RIPOR1: variants seen among roughly 807,000 people sequenced by gnomAD.
RIPOR1 encodes RHO family interacting cell polarization regulator 1.
In RIPOR1, 58 loss-of-function variants were observed where a neutral mutation model predicts 116.5. That is an observed-to-expected ratio of 0.50 (90% CI 0.40 to 0.62). The LOEUF is 0.62. Among genes scored for constraint, RIPOR1 ranks in the 20% least tolerant of loss-of-function variants. The pLI, the probability that RIPOR1 is intolerant of heterozygous loss-of-function variation, is 0.00. For synonymous variants in RIPOR1, 605 were observed against 650.0 expected, an observed-to-expected ratio of 0.93 and a Z score of 1.05; for missense variants, 1,372 against 1,586.2, an observed-to-expected ratio of 0.86 and a Z score of 2.29.
intron 1 of RIPOR1, among the ~76,000 whole-genome samples, chr16:67,520,292 G>T (rs1003431132): frequency 2.7e-5 from 4 of 149,528 alleles, no homozygotes; most frequent in African/African-American, 9.9e-5. Context: ...GAGGTGGGAG[G>T]ATCACTTGAG....
chr16:67,543,760 C>G lies in RIPOR1; in HGVS notation c.2600+291C>G. On this transcript the variant is annotated intron_variant, in intron 14 of 21. Transcript: ENST00000042381. The surrounding 1 kb of genome is among the most constrained non-coding windows in gnomAD (Gnocchi z 4.7). ...TGCCGGTCCCCATCAGCTTGGGTGC[C>G]TCCAGCCCCTCCTCTTCCCCTTGGC... is the stretch of plus-strand genomic sequence containing the variant. 2.0e-6 allele frequency: 1 copy of G among 492,032 alleles called. No individual in the cohort carries two copies. Among genetic ancestry groups the G allele is most frequent in the East Asian group, 3.9e-5 (1 of 25,772 alleles). 30.5% of individuals were successfully genotyped at this position (492,032 alleles called of 1,614,324 possible). A position where few individuals can be genotyped will look rare whatever the true frequency, so the allele number is the denominator to read the frequency against.
At chr16:67,538,155 G>T (rs1567567654) in intron 1 of RIPOR1, 1 of 367,074 alleles carries the variant, frequency 2.7e-6, no homozygotes, top group Non-Finnish European at 4.9e-6. Context: ...GTCCCCGCGC[G>T]ACCCCCCTTC....
chr16:67,543,169 G>A lies in RIPOR1; in HGVS notation c.2383G>A (p.Gly795Arg). The change falls in exon 13 of 22, where the codon GGG becomes AGG. Residue 795 changes from glycine (G) to arginine (R), a missense_variant. Physicochemically the swap from Gly to Arg is moderately radical, Grantham distance 125 (BLOSUM62 -2). Around this residue, in one of 3 missense-constraint regions of RIPOR1, gnomAD observed 1,005 missense variants for 1,144.7 expected, o/e 0.88. Transcript: ENST00000042381. This position sits in a 1 kb window ranked among gnomAD's most constrained non-coding sequence, Gnocchi z 4.7. ...SGDRSLEEALGALMAALDDYR... is the reference protein window; with the variant it reads ...SGDRSLEEALRALMAALDDYR... ...GGACAGGAGCCTGGAGGAGGCACTG[G>A]GGGCCCTAATGGCTGCCCTGGATGA... 1 of 1,539,122 alleles carries A rather than the reference G, an allele frequency of 6.5e-7. No homozygotes were observed. Among genetic ancestry groups the A allele is most frequent in the Non-Finnish European group, 8.7e-7 (1 of 1,143,308 alleles).
Position 67,541,406 on chromosome 16 carries a change from C to T in RIPOR1, c.802-24C>T, listed in dbSNP as rs775214187. The T allele has an allele frequency of 6.2e-7, 1 of 1,608,036 alleles. No homozygotes were observed. Among genetic ancestry groups the T allele is most frequent in the East Asian group, 2.2e-5 (1 of 44,780 alleles). ...CTCATAGCCCCTGCACCCTTGTGAC[C>T]CTACCATGCACTCTTGGCTACAGGT... On this transcript the variant is annotated intron_variant, in intron 10 of 21. Transcript: ENST00000042381. The surrounding 1 kb of genome is among the most constrained non-coding windows in gnomAD (Gnocchi z 4.6).
At chr16:67,523,713 C>T (rs1319170747) in intron 1 of RIPOR1, among the ~76,000 whole-genome samples, 1 of 150,714 alleles carries the variant, frequency 6.6e-6, no homozygotes, top group Non-Finnish European at 1.5e-5. Context: ...CAGGGTCTCG[C>T]TCTGTTGCCC....
chr16:67,524,106 T>C (rs2050520834), upstream of RIPOR1, among the ~76,000 whole-genome samples: 1 of 152,210 alleles, frequency 6.6e-6, no homozygotes, highest in Non-Finnish European at 1.5e-5. Flanking sequence ...TTGCATTGTG[T>C]TGATTATTAA....
In RIPOR1 at chr16:67,546,431, G is replaced by T. The variant is rs1446813451; in HGVS notation, c.3628G>T (p.Gly1210Trp). ...CCTGGACGCCCTGCCCCGCATCTTT[G>T]GGCCTGGCAGCATGGCCAGCACAGC... The part of the protein sequence containing the change: ...ESLDALPRIF[G>W]PGSMASTAF The change falls in exon 22 of 22, where the codon GGG becomes TGG. Residue 1210 changes from glycine (G) to tryptophan (W), a missense_variant. Gly to Trp is a radical substitution (Grantham distance 184). Coordinates refer to ENST00000042381, the MANE Select transcript of RIPOR1 (RefSeq NM_024519.4). 1.9e-6 allele frequency: 3 copies of T among 1,613,952 alleles called. No homozygotes were observed. The highest frequency in any genetic ancestry group is 1.3e-5 in the African/African-American group (1 of 74,916).
At chr16:67,522,025 TTTG>T (rs34745420) in intron 1 of RIPOR1, among the ~76,000 whole-genome samples, 14,404 of 151,636 alleles carry the variant, frequency 0.095, 1,183 homozygotes, top group African/African-American at 0.23. Flanking sequence ...CACCATGTTT[TTTG>T]TTGTTGTTGT....
chr16:67,519,419 G>A (rs1597608131), intron 1 of RIPOR1, among the ~76,000 whole-genome samples: 1 of 152,160 alleles, frequency 6.6e-6, no homozygotes, highest in Non-Finnish European at 1.5e-5. Flanking sequence ...CAGGGGTGAG[G>A]GGCCAGTGGG....
At chr16:67,520,377 CA>C (rs1178600699) in intron 1 of RIPOR1, among the ~76,000 whole-genome samples, 290 of 68,648 alleles carry the variant, frequency 4.2e-3, no homozygotes, top group Admixed American at 6.6e-3. Flanking sequence ...GACCCCATCT[CA>C]AAAAAAAAAA....
Position 67,545,201 on chromosome 16 carries a change from T to A in RIPOR1, c.3031+84T>A, listed in dbSNP as rs2142619871. 1 of 1,567,834 alleles carries A rather than the reference T, an allele frequency of 6.4e-7. No individual in the cohort carries two copies. Among genetic ancestry groups the A allele is most frequent in the East Asian group, 2.3e-5 (1 of 44,366 alleles). On this transcript the variant is annotated intron_variant, in intron 17 of 21. Coordinates refer to ENST00000042381, the MANE Select transcript of RIPOR1 (RefSeq NM_024519.4). This position sits in a 1 kb window ranked among gnomAD's most constrained non-coding sequence, Gnocchi z 4.8. The stretch of plus-strand genomic sequence containing the variant: ...GGGAAGCCAGGTCAGCCCACACAGA[T>A]AAACGAACTGGGCACCGAGGAGACC...
At position 67,541,225 on chromosome 16, in the gene RIPOR1, G is replaced by A. The variant is rs551689963; in HGVS notation, c.802-205G>A. 80 of 587,742 alleles carry A rather than the reference G, an allele frequency of 1.4e-4. 2 individuals are homozygous for A. The South Asian group carries it at 1.6e-3, about 12-fold the overall frequency. The allele number at this position is 587,742 out of a possible 1,614,324, so 36.4% of individuals were successfully genotyped here. A position where few individuals can be genotyped will look rare whatever the true frequency, so the allele number is the denominator to read the frequency against. ...GGACTACAGGTGCACCACCATGCCT[G>A]GCTAAAAATTTTTTTTTTTTTTTTT... On this transcript the variant is annotated intron_variant, in intron 10 of 21. Coordinates refer to ENST00000042381, the MANE Select transcript of RIPOR1 (RefSeq NM_024519.4). The surrounding 1 kb of genome is among the most constrained non-coding windows in gnomAD (Gnocchi z 4.6).
intron 1 of RIPOR1, among the ~76,000 whole-genome samples, chr16:67,521,146 A>C (rs1016245625): frequency 5.3e-5 from 8 of 152,054 alleles, no homozygotes; most frequent in Admixed American, 2.0e-4. Context: ...TGTGCACTGC[A>C]CTCTACAGTG....
At position 67,530,898 on chromosome 16, in the gene RIPOR1, C is replaced by A. The variant is rs2050644691; in HGVS notation, c.-24+1984C>A. On this transcript the variant is annotated intron_variant, in intron 1 of 21. Transcript: ENST00000042381. This position sits in a 1 kb window ranked among gnomAD's most constrained non-coding sequence, Gnocchi z 4.5. ...AGTTGAGGTGGCCCTTCTGCCTTAGCTCAAGGGGTTCAGCTCTTTCCCTAC... is the reference window on the plus strand; with the variant it reads ...AGTTGAGGTGGCCCTTCTGCCTTAGATCAAGGGGTTCAGCTCTTTCCCTAC... Among the ~76,000 whole-genome samples the A allele has an allele frequency of 2.6e-5, 4 of 152,280 alleles. No individual in the cohort carries two copies. In the Middle Eastern group the frequency reaches 0.01, roughly 388 times the overall value.
At chr16:67,520,412 G>A (rs1357255055) in intron 1 of RIPOR1, among the ~76,000 whole-genome samples, 2 of 146,810 alleles carry the variant, frequency 1.4e-5, no homozygotes, top group Admixed American at 6.8e-5. Context: ...AAGGAAGGAA[G>A]GGATGGAAAA....
rs902287327 is a variant in RIPOR1 at position 67,542,436 on chromosome 16, C to A, written c.1650C>A (p.Gly550=). ...CAGGCCCCACTCACACCACTACAGG[C>A]TCTACCTATAGTGCCATTACCACTA... The part of the protein sequence containing the change: ...ELPGPTHTTT[G]STYSAITTTH... Residue 550 remains glycine (G), a synonymous_variant, in exon 13 of 22, where the codon GGC becomes GGA. Coordinates refer to ENST00000042381, the MANE Select transcript of RIPOR1 (RefSeq NM_024519.4). The surrounding 1 kb of genome is among the most constrained non-coding windows in gnomAD (Gnocchi z 4.6). 3 of 1,613,844 alleles carry A rather than the reference C, an allele frequency of 1.9e-6. No individual in the cohort carries two copies. The African/African-American group carries it at 4.0e-5, about 22-fold the overall frequency.
rs950115832 is a variant in RIPOR1 at position 67,530,058 on chromosome 16, C to G, written c.-24+1144C>G. 1.6e-5 allele frequency: 10 copies of G among 617,530 alleles called. No homozygotes were observed. Among genetic ancestry groups the G allele is most frequent in the Admixed American group, 7.6e-5 (3 of 39,478 alleles). The allele number at this position is 617,530 out of a possible 1,614,324, so 38.3% of individuals were successfully genotyped here. A position where few individuals can be genotyped will look rare whatever the true frequency, so the allele number is the denominator to read the frequency against. On this transcript the variant is annotated intron_variant, in intron 1 of 21. Coordinates refer to ENST00000042381, the MANE Select transcript of RIPOR1 (RefSeq NM_024519.4). This position sits in a 1 kb window ranked among gnomAD's most constrained non-coding sequence, Gnocchi z 4.5. ...TTCCACCGCCCTCTCCGGCTTGGGT[C>G]CTGTGACTGCGGCGGGAGAGAGGAG...
At position 67,537,607 on chromosome 16, in the gene RIPOR1, A is replaced by T. The variant is rs1267978599; in HGVS notation, c.-23-817A>T. ...AACACCAAGAAGAGAGGTAGGACCC[A>T]GCTCGGGGCTGCGAAAGCTCAGGGA... On this transcript the variant is annotated intron_variant, in intron 1 of 21. Coordinates refer to ENST00000042381, the MANE Select transcript of RIPOR1 (RefSeq NM_024519.4). This position sits in a 1 kb window ranked among gnomAD's most constrained non-coding sequence, Gnocchi z 4.6. The T allele has an allele frequency of 2.1e-6, 3 of 1,411,170 alleles. No homozygotes were observed. The East Asian group carries it at 9.0e-5, about 42-fold the overall frequency. 87.4% of individuals were successfully genotyped at this position (1,411,170 alleles called of 1,614,324 possible).
At chr16:67,539,131 C>G in intron 4 of RIPOR1, 63 bp downstream of exon 4, 1 of 1,393,092 alleles carries the variant, frequency 7.2e-7, no homozygotes, top group Non-Finnish European at 1.0e-6. Context: ...GCAAGGGCAG[C>G]CCTGGGTGAT....
Sources: allele counts gnomAD v4.1 joint callset (sites outside exome capture counted in the v4.1 genomes callset), GRCh38; gene constraint gnomAD v4.1.1; regional missense constraint gnomAD v4.1.1; non-coding constraint Gnocchi (gnomAD v3.1); transcripts MANE v1.5; gene names NCBI Gene and HGNC (gene_info 2026-07-23, HGNC 2026-07-21).